The following IDE variants were observed in gnomAD, a reference collection of about 807,000 sequenced individuals.
The protein encoded by IDE is insulin degrading enzyme.
IDE carries 58 observed loss-of-function variants against 133.2 expected under a neutral mutation model. The ratio of observed to expected loss-of-function variants is 0.44; its 90% confidence interval spans 0.35 to 0.54. The LOEUF (loss-of-function observed/expected upper bound fraction) is 0.54. IDE is among the 20% of genes least tolerant of loss of function. The pLI is 0.00. For missense variants in IDE, 981 were observed against 1,234.0 expected (o/e 0.79, Z 3.07); for synonymous variants, 396 against 421.3 (o/e 0.94, Z 0.73).
chr10:92,559,472 TATGA>T (rs1166376884), intron 1 of IDE, among the ~76,000 whole-genome samples: 1 of 152,186 alleles, frequency 6.6e-6, no homozygotes, highest in Non-Finnish European at 1.5e-5. Flanking sequence ...CATACCTCAA[TATGA>T]ATGAACTTTG....
At chr10:92,465,280 T>C (rs1845617334) in intron 20 of IDE, among the ~76,000 whole-genome samples, 1 of 152,206 alleles carries the variant, frequency 6.6e-6, no homozygotes, top group South Asian at 2.1e-4. Flanking sequence ...CTGTGCCTTC[T>C]GTATGTCCCA....
intron 5 of IDE, among the ~76,000 whole-genome samples, chr10:92,510,627 G>T (rs1480536281): frequency 1.3e-5 from 2 of 151,026 alleles, no homozygotes; most frequent in Non-Finnish European, 2.9e-5. Flanking sequence ...ATATGTGTGT[G>T]TGTATATATA....
chr10:92,453,346 T>G lies in IDE; in HGVS notation c.*1098A>C, dbSNP rs968634705. The G allele has an allele frequency of 6.6e-6, 1 of 152,234 alleles. No homozygotes were observed. Among genetic ancestry groups the G allele is most frequent in the African/African-American group, 2.4e-5 (1 of 41,462 alleles). 9.4% of individuals were successfully genotyped at this position (152,234 alleles called of 1,614,324 possible). On this transcript the variant is annotated 3_prime_UTR_variant, in exon 25 of 25. Coordinates refer to ENST00000265986, the MANE Select transcript of IDE (RefSeq NM_004969.4). ...ATCTGTGTTTATATGTTTATATTTA[T>G]ATATTCAAAAAATAACTTAACATTT...
chr10:92,490,476 A>T lies in IDE; in HGVS notation c.1533+17T>A. ...TTCCTCACATGTCAGGCTTATTCAT[A>T]GATGAGTTAACCCTACCTTGATGAC... On this transcript the variant is annotated intron_variant, in intron 12 of 24. Coordinates refer to ENST00000265986, the MANE Select transcript of IDE (RefSeq NM_004969.4). The T allele has an allele frequency of 7.0e-7, 1 of 1,434,276 alleles. No individual in the cohort carries two copies. Among genetic ancestry groups the T allele is most frequent in the Non-Finnish European group, 9.8e-7 (1 of 1,018,966 alleles). The allele number at this position is 1,434,276 out of a possible 1,614,324, so 88.8% of individuals were successfully genotyped here.
At chr10:92,513,653 ATATAT>A (rs1380621525) in intron 5 of IDE, among the ~76,000 whole-genome samples, 1 of 149,536 alleles carries the variant, frequency 6.7e-6, no homozygotes, top group Non-Finnish European at 1.5e-5. Context: ...TATAATATAC[ATATAT>A]TAATTAAAAA....
intron 24 of IDE, among the ~76,000 whole-genome samples, chr10:92,454,812 C>T (rs895554273): frequency 1.3e-5 from 2 of 152,118 alleles, no homozygotes; most frequent in Non-Finnish European, 2.9e-5. Context: ...CAAACAAGGG[C>T]TGGCTCACCA....
At chr10:92,458,619 A>G (rs945132626) in intron 22 of IDE, among the ~76,000 whole-genome samples, 1 of 148,318 alleles carries the variant, frequency 6.7e-6, no homozygotes, top group Non-Finnish European at 1.5e-5. Context: ...CTCCTGCCTC[A>G]GCCTCCTGAG....
intron 4 of IDE, among the ~76,000 whole-genome samples, chr10:92,525,686 T>C (rs1437760373): frequency 2.7e-5 from 4 of 148,668 alleles, no homozygotes; most frequent in Non-Finnish European, 5.9e-5. Flanking sequence ...TTCAGTAAAG[T>C]TGCAGGATAC....
intron 1 of IDE, among the ~76,000 whole-genome samples, chr10:92,549,200 T>A (rs1215488367): frequency 6.6e-6 from 1 of 151,804 alleles, no homozygotes; most frequent in Non-Finnish European, 1.5e-5. Context: ...GGATGTTGTG[T>A]GAGCCAAGAC....
At chr10:92,570,936 C>T (rs1238939928) in intron 1 of IDE, among the ~76,000 whole-genome samples, 1 of 151,344 alleles carries the variant, frequency 6.6e-6, no homozygotes, top group Non-Finnish European at 1.5e-5. Flanking sequence ...AAAAAGAAAA[C>T]ATACTGAACT....
chr10:92,534,054 A>T lies in IDE; in HGVS notation c.491+524T>A, dbSNP rs528641851. On this transcript the variant is annotated intron_variant, in intron 3 of 24. Transcript: ENST00000265986. ...AAAAAAAAAATTGACCAAGAAATTAAATCATCCTAATGGAGCTTGCTCCAG... is the reference window on the plus strand; with the variant it reads ...AAAAAAAAAATTGACCAAGAAATTATATCATCCTAATGGAGCTTGCTCCAG... 1.2e-4 allele frequency among the ~76,000 whole-genome samples: 19 copies of T among 152,308 alleles called. No homozygotes were observed. In the South Asian group the frequency reaches 3.9e-3, roughly 32 times the overall value.
intron 15 of IDE, chr10:92,478,773 C>T: frequency 8.0e-7 from 1 of 1,249,982 alleles, no homozygotes; most frequent in Non-Finnish European, 1.0e-6. Context: ...TGGAGAGGAT[C>T]AGCATAAATG....
intron 5 of IDE, among the ~76,000 whole-genome samples, chr10:92,511,261 C>A (rs1003754409): frequency 1.3e-5 from 2 of 151,776 alleles, no homozygotes; most frequent in South Asian, 2.1e-4. Flanking sequence ...GCCACCACAC[C>A]CTGTTAGTTT....
chr10:92,556,629 G>A (rs1283130621), intron 1 of IDE, among the ~76,000 whole-genome samples: 1 of 152,066 alleles, frequency 6.6e-6, no homozygotes, highest in Non-Finnish European at 1.5e-5. Flanking sequence ...GTGGTGGTGG[G>A]TACCTGTAAT....
At chr10:92,475,047 C>G in intron 16 of IDE, 86 bp from the exon 17 acceptor site, 13 of 1,020,684 alleles carry the variant, frequency 1.3e-5, no homozygotes, top group Non-Finnish European at 5.8e-6. Context: ...TTTCAATTCT[C>G]TATAAACTGT....
chr10:92,525,358 C>T (rs1038747663), intron 4 of IDE, among the ~76,000 whole-genome samples: 2 of 152,196 alleles, frequency 1.3e-5, no homozygotes, highest in Non-Finnish European at 2.9e-5. Context: ...TCATGATAAA[C>T]GTTCTCAACA....
chr10:92,455,350 C>A (rs975492195), intron 24 of IDE, among the ~76,000 whole-genome samples: 1 of 152,064 alleles, frequency 6.6e-6, no homozygotes, highest in Non-Finnish European at 1.5e-5. Context: ...GTGGCGTGTG[C>A]CTGTAATCCC....
At chr10:92,538,891 T>C (rs898718090) in intron 1 of IDE, among the ~76,000 whole-genome samples, 2 of 152,118 alleles carry the variant, frequency 1.3e-5, no homozygotes, top group Non-Finnish European at 2.9e-5. Context: ...TAACCCTCTA[T>C]GAGCACATCT....
At chr10:92,488,252 G>A (rs1192366167) in intron 12 of IDE, among the ~76,000 whole-genome samples, 2 of 152,070 alleles carry the variant, frequency 1.3e-5, no homozygotes, top group Non-Finnish European at 2.9e-5. Flanking sequence ...TTACAGGCGT[G>A]TACCACCACA....
Sources: allele counts gnomAD v4.1 joint callset (sites outside exome capture counted in the v4.1 genomes callset), GRCh38; gene constraint gnomAD v4.1.1; transcripts MANE v1.5; gene names NCBI Gene and HGNC (gene_info 2026-07-23, HGNC 2026-07-21).